The following GRB2 variants were observed in gnomAD, a reference collection of about 807,000 sequenced individuals.
The protein encoded by GRB2 is growth factor receptor-bound protein 2.
A neutral mutation model predicts 27.4 loss-of-function variants in GRB2; 2 were observed. The observed-to-expected ratio is 0.07, with a 90% CI of 0.03 to 0.23. GRB2 has a LOEUF of 0.23. GRB2 is among the 10% of genes least tolerant of loss of function. The pLI, the probability that GRB2 is intolerant of heterozygous loss-of-function variation, is 1.00. For missense variants in GRB2, 102 were observed against 282.4 expected, an observed-to-expected ratio of 0.36 and a Z score of 4.58; for synonymous variants, 94 against 99.6, an observed-to-expected ratio of 0.94 and a Z score of 0.33.
chr17:75,389,093 C>A (rs956165354), intron 2 of GRB2, among the ~76,000 whole-genome samples: 2 of 152,144 alleles, frequency 1.3e-5, no homozygotes, highest in Non-Finnish European at 2.9e-5. Flanking sequence ...TATACACACA[C>A]ACACAATGCT....
rs576729107 is a variant in GRB2 at position 75,356,957 on chromosome 17, A to G, written c.79-24160T>C. On this transcript the variant is annotated intron_variant, in intron 2 of 5. Coordinates refer to ENST00000316804, the MANE Select transcript of GRB2 (RefSeq NM_002086.5). ...TGGAACTCTTTTCTTCTCCATCTAC[A>G]CTCATTCCTTTAGTTTCCCCATCCA... 2.1e-3 allele frequency among the ~76,000 whole-genome samples: 321 copies of G among 152,114 alleles called. 5 individuals carry two copies. The South Asian group carries it at 0.033, about 16-fold the overall frequency.
At chr17:75,392,860 A>C (rs1462106833) in intron 2 of GRB2, among the ~76,000 whole-genome samples, 1 of 152,242 alleles carries the variant, frequency 6.6e-6, no homozygotes, top group Non-Finnish European at 1.5e-5. Flanking sequence ...AATAAGCTGC[A>C]CATGGTATAG....
chr17:75,381,456 A>C (rs2078926926), intron 2 of GRB2, among the ~76,000 whole-genome samples: 1 of 152,024 alleles, frequency 6.6e-6, no homozygotes, highest in Non-Finnish European at 1.5e-5. Flanking sequence ...GGCTGGGTAC[A>C]GTGGCTCATC....
Position 75,319,610 on chromosome 17 carries a change from TTTC to T in GRB2, c.*755_*757del, listed in dbSNP as rs1302981992. 6.6e-6 allele frequency: 1 copy of T among 152,198 alleles called. No individual in the cohort carries two copies. The highest frequency in any genetic ancestry group is 1.5e-5 in the Non-Finnish European group (1 of 68,032). The allele number at this position is 152,198 out of a possible 1,614,324, so 9.4% of individuals were successfully genotyped here. A position where few individuals can be genotyped will look rare whatever the true frequency, so the allele number is the denominator to read the frequency against. ...ACAGGTGCGTGCCACACCCGGCTAA[TTTC>T]TTATTTTTAGTAGAGACGGGGTTTC... On this transcript the variant is annotated 3_prime_UTR_variant, in exon 6 of 6. Transcript: ENST00000316804.
At chr17:75,330,606 G>A (rs1214641962) in intron 3 of GRB2, among the ~76,000 whole-genome samples, 10 of 151,926 alleles carry the variant, frequency 6.6e-5, no homozygotes, top group Non-Finnish European at 1.0e-4. Context: ...CCCAGCAGGC[G>A]GAGGTTGCAG....
chr17:75,388,203 T>C (rs1430258039), intron 2 of GRB2, among the ~76,000 whole-genome samples: 1 of 151,940 alleles, frequency 6.6e-6, no homozygotes, highest in Admixed American at 6.6e-5. Flanking sequence ...TTCAAGCGAT[T>C]CTCCTCCCTC....
At chr17:75,328,415 C>T (rs189778627) in intron 3 of GRB2, among the ~76,000 whole-genome samples, 2 of 150,446 alleles carry the variant, frequency 1.3e-5, no homozygotes, top group Admixed American at 6.6e-5. Flanking sequence ...CCGAGGTGGG[C>T]GGATCATCTG....
chr17:75,338,497 T>G (rs773517425), intron 2 of GRB2, among the ~76,000 whole-genome samples: 1 of 152,234 alleles, frequency 6.6e-6, no homozygotes, highest in African/African-American at 2.4e-5. Context: ...CCTTCAGCTT[T>G]AAAATCTCCA....
chr17:75,361,223 A>G (rs929269820), intron 2 of GRB2, among the ~76,000 whole-genome samples: 2 of 152,242 alleles, frequency 1.3e-5, no homozygotes, highest in African/African-American at 4.8e-5. Flanking sequence ...CAAACAGCTA[A>G]TAAAAAGAAA....
intron 2 of GRB2, among the ~76,000 whole-genome samples, chr17:75,378,662 G>C (rs1038385337): frequency 1.3e-5 from 2 of 152,120 alleles, no homozygotes; most frequent in Non-Finnish European, 2.9e-5. Context: ...CTTAAACATG[G>C]CAGATTGGAC....
At chr17:75,396,163 T>C (rs2079028008) in intron 1 of GRB2, among the ~76,000 whole-genome samples, 1 of 152,146 alleles carries the variant, frequency 6.6e-6, no homozygotes, top group African/African-American at 2.4e-5. Context: ...GTACAATCCT[T>C]AGATTTTTCC....
chr17:75,369,197 A>AT (rs2078839758), intron 2 of GRB2, among the ~76,000 whole-genome samples: 1 of 152,240 alleles, frequency 6.6e-6, no homozygotes, highest in African/African-American at 2.4e-5. Context: ...GCTTTGGTAT[A>AT]TAAAAAGAAC....
chr17:75,391,807 CAA>C (rs60382091), intron 2 of GRB2, among the ~76,000 whole-genome samples: 3 of 121,816 alleles, frequency 2.5e-5, no homozygotes, highest in African/African-American at 8.2e-5. Flanking sequence ...GACTCCATCT[CAA>C]AAAAAAAAAA....
chr17:75,374,328 C>T lies in GRB2; in HGVS notation c.78+19223G>A, dbSNP rs141901752. On this transcript the variant is annotated intron_variant, in intron 2 of 5. Transcript: ENST00000316804. ...CTGAGGCAAGAGAATCGCTGGAACCCGGGAGGCGGAGGTTGCAGTGAGCTG... is the reference window on the plus strand; with the variant it reads ...CTGAGGCAAGAGAATCGCTGGAACCTGGGAGGCGGAGGTTGCAGTGAGCTG... 2.0e-3 allele frequency among the ~76,000 whole-genome samples: 277 copies of T among 140,676 alleles called. 2 individuals are homozygous for T. In the South Asian group the frequency reaches 0.022, roughly 11 times the overall value. The allele number at this position is 140,676 out of a possible 152,430, so 92.3% of individuals were successfully genotyped here.
chr17:75,377,260 G>C (rs1294464281), intron 2 of GRB2, among the ~76,000 whole-genome samples: 1 of 152,114 alleles, frequency 6.6e-6, no homozygotes, highest in Non-Finnish European at 1.5e-5. Flanking sequence ...GTTCGAGGCT[G>C]CAATGAACTA....
intron 2 of GRB2, among the ~76,000 whole-genome samples, chr17:75,359,507 A>AAATAATAATAATAAT (rs10628038): frequency 9.0e-4 from 133 of 148,294 alleles, no homozygotes; most frequent in African/African-American, 3.2e-3. Flanking sequence ...CATTGTCTCA[A>AAATAATAATAATAAT]AATAATAATA....
intron 2 of GRB2, among the ~76,000 whole-genome samples, chr17:75,360,123 C>T (rs1216940209): frequency 6.6e-6 from 1 of 152,068 alleles, no homozygotes; most frequent in African/African-American, 2.4e-5. Flanking sequence ...CTCTAATATA[C>T]TTAAACAGTC....
chr17:75,367,183 CT>C (rs1171135604), intron 2 of GRB2, among the ~76,000 whole-genome samples: 3 of 151,858 alleles, frequency 2.0e-5, no homozygotes, highest in Admixed American at 6.6e-5. Flanking sequence ...TTTTTTCCCC[CT>C]ATTCAGGACA....
intron 2 of GRB2, among the ~76,000 whole-genome samples, chr17:75,378,554 G>C (rs759026560): frequency 6.6e-6 from 1 of 152,142 alleles, no homozygotes; most frequent in Non-Finnish European, 1.5e-5. Flanking sequence ...TTTCACACAT[G>C]AACGTACAAC....
Sources: allele counts gnomAD v4.1 joint callset (sites outside exome capture counted in the v4.1 genomes callset), GRCh38; gene constraint gnomAD v4.1.1; transcripts MANE v1.5; gene names NCBI Gene and HGNC (gene_info 2026-07-23, HGNC 2026-07-21).